WWOX: variants seen among roughly 807,000 people sequenced by gnomAD.
WWOX encodes the protein WW domain-containing oxidoreductase.
In WWOX, 69 loss-of-function variants were observed where a neutral mutation model predicts 46.2. The ratio of observed to expected loss-of-function variants is 1.49; its 90% CI spans 1.23 to 1.82. The LOEUF is 1.82. WWOX is among the 40% of genes most tolerant of loss of function. The pLI, the probability that WWOX is intolerant of heterozygous loss-of-function variation, is 0.00. For missense variants in WWOX, 919 were observed against 542.6 expected (o/e 1.69, Z -6.89); for synonymous variants, 359 against 202.6 (o/e 1.77, Z -6.56).
chr16:78,797,573 G>A (rs2050776692), intron 8 of WWOX, among the ~76,000 whole-genome samples: 1 of 151,920 alleles, frequency 6.6e-6, no homozygotes, highest in African/African-American at 2.4e-5. Flanking sequence ...TTCAACCTGG[G>A]GCTTTAGTCA....
chr16:78,400,033 C>G (rs1567549614), intron 6 of WWOX, among the ~76,000 whole-genome samples: 1 of 152,112 alleles, frequency 6.6e-6, no homozygotes, highest in African/African-American at 2.4e-5. Flanking sequence ...TATTGTGAGT[C>G]CTTTCTTGTC....
intron 5 of WWOX, among the ~76,000 whole-genome samples, chr16:78,322,410 G>C (rs1411018907): frequency 6.6e-6 from 1 of 152,170 alleles, no homozygotes; most frequent in Non-Finnish European, 1.5e-5. Context: ...AGCACTCACT[G>C]AGTGTTCGTG....
intron 1 of WWOX, among the ~76,000 whole-genome samples, chr16:78,104,255 C>CACACAG (rs1348869688): frequency 6.6e-5 from 10 of 151,448 alleles, no homozygotes; most frequent in Non-Finnish European, 1.2e-4. Context: ...CACACACACA[C>CACACAG]ACACACACAC....
intron 8 of WWOX, among the ~76,000 whole-genome samples, chr16:78,881,694 G>A (rs1291413875): frequency 6.6e-6 from 1 of 152,154 alleles, no homozygotes; most frequent in African/African-American, 2.4e-5. Flanking sequence ...TGATAGGTTG[G>A]CTCACCATTA....
intron 8 of WWOX, among the ~76,000 whole-genome samples, chr16:78,434,269 C>G (rs1406515581): frequency 6.6e-6 from 1 of 152,142 alleles, no homozygotes; most frequent in African/African-American, 2.4e-5. Context: ...GAATGGTGTT[C>G]CATGCCGCAG....
intron 8 of WWOX, among the ~76,000 whole-genome samples, chr16:79,118,107 G>A (rs1220996132): frequency 2.6e-5 from 4 of 152,252 alleles, no homozygotes; most frequent in African/African-American, 7.2e-5. Flanking sequence ...TTCTCGTTAA[G>A]CTTAATCACT....
intron 8 of WWOX, among the ~76,000 whole-genome samples, chr16:78,806,954 C>T (rs1313002609): frequency 1.3e-5 from 2 of 152,170 alleles, no homozygotes; most frequent in Admixed American, 1.3e-4. Flanking sequence ...CTACCTCTGC[C>T]TCTTACTAGC....
chr16:78,121,881 G>C (rs1007992348), intron 4 of WWOX, among the ~76,000 whole-genome samples: 1 of 152,010 alleles, frequency 6.6e-6, no homozygotes, highest in Non-Finnish European at 1.5e-5. Context: ...TACAGGTCTT[G>C]AACTCCTGAC....
chr16:78,604,604 C>A (rs1597335456), intron 8 of WWOX, among the ~76,000 whole-genome samples: 1 of 151,716 alleles, frequency 6.6e-6, no homozygotes, highest in East Asian at 1.9e-4. Flanking sequence ...ATTATTTACC[C>A]TTTTTCTTCA....
At chr16:78,426,020 C>G (rs1318618758) in intron 7 of WWOX, among the ~76,000 whole-genome samples, 1 of 152,152 alleles carries the variant, frequency 6.6e-6, no homozygotes, top group Non-Finnish European at 1.5e-5. Context: ...TTATCACTCC[C>G]AAACACAGGG....
chr16:78,512,834 C>G (rs1203282275), intron 8 of WWOX, among the ~76,000 whole-genome samples: 1 of 152,210 alleles, frequency 6.6e-6, no homozygotes, highest in East Asian at 1.9e-4. Flanking sequence ...CAGAGCAGTC[C>G]CTTTGCTTCC....
At chr16:78,935,077 T>C (rs2045707809) in intron 8 of WWOX, among the ~76,000 whole-genome samples, 1 of 152,054 alleles carries the variant, frequency 6.6e-6, no homozygotes, top group East Asian at 1.9e-4. Context: ...CCAGTTAGAA[T>C]GGTGATCATT....
At chr16:78,997,582 T>C (rs1464669988) in intron 8 of WWOX, among the ~76,000 whole-genome samples, 6 of 152,168 alleles carry the variant, frequency 3.9e-5, no homozygotes, top group Non-Finnish European at 7.3e-5. Flanking sequence ...ACCTATAAAA[T>C]TGACGCTCGT....
At chr16:78,363,645 C>T (rs186781268) in intron 5 of WWOX, among the ~76,000 whole-genome samples, 5 of 152,248 alleles carry the variant, frequency 3.3e-5, no homozygotes, top group African/African-American at 9.6e-5. Context: ...AGATATTCCC[C>T]TTTCTTCTAA....
intron 8 of WWOX, among the ~76,000 whole-genome samples, chr16:79,050,307 G>C (rs964821773): frequency 1.3e-5 from 2 of 152,142 alleles, no homozygotes; most frequent in Non-Finnish European, 2.9e-5. Context: ...GCCCTAGGCT[G>C]GACATGGGTG....
chr16:79,023,034 G>T (rs111922661), intron 8 of WWOX, among the ~76,000 whole-genome samples: 3,307 of 151,522 alleles, frequency 0.022, 124 homozygotes, highest in African/African-American at 0.077. Context: ...ACTCACTGCT[G>T]TTGGCTTATT....
intron 8 of WWOX, among the ~76,000 whole-genome samples, chr16:78,854,026 C>T (rs1413984075): frequency 2.0e-5 from 3 of 152,146 alleles, no homozygotes; most frequent in East Asian, 3.9e-4. Context: ...GTCTGTTGTA[C>T]CACCACCTGA....
intron 8 of WWOX, among the ~76,000 whole-genome samples, chr16:78,858,454 C>T (rs2052621368): frequency 1.3e-5 from 2 of 151,670 alleles, no homozygotes; most frequent in Admixed American, 1.3e-4. Context: ...AAGAATAATA[C>T]ATGTATTATC....
At chr16:78,973,534 TTTA>T (rs1384316749) in intron 8 of WWOX, among the ~76,000 whole-genome samples, 5 of 152,162 alleles carry the variant, frequency 3.3e-5, no homozygotes, top group South Asian at 2.1e-4. Flanking sequence ...CCTTTATTTA[TTTA>T]TTTTCTTTTT....
Sources: gnomAD v4.1 joint callset for allele counts (sites outside exome capture counted in the v4.1 genomes callset) on GRCh38, gnomAD v4.1.1 for gene constraint, MANE v1.5 for transcripts, NCBI Gene and HGNC (gene_info 2026-07-23, HGNC 2026-07-21) for gene names.